The following DIAPH3 variants were observed in gnomAD, a reference collection of about 807,000 sequenced individuals.
The protein encoded by DIAPH3 is diaphanous related formin 3.
Under a neutral mutation model 144.3 loss-of-function variants are expected in DIAPH3, and 117 were observed. That is an observed-to-expected ratio of 0.81 (90% CI 0.70 to 0.95). DIAPH3 has a LOEUF of 0.95. DIAPH3 is among the 40% of genes least tolerant of loss of function. The pLI is 0.00. For synonymous variants in DIAPH3, 519 were observed against 488.9 expected (o/e 1.06, Z -0.81); for missense variants, 1,421 against 1,412.7 (o/e 1.01, Z -0.09).
At chr13:59,920,364 T>C (rs2047447878) in intron 18 of DIAPH3, among the ~76,000 whole-genome samples, 1 of 151,768 alleles carries the variant, frequency 6.6e-6, no homozygotes, top group Non-Finnish European at 1.5e-5. Context: ...AGATATGCCA[T>C]GCACATGAAA....
chr13:60,084,035 T>C (rs1212748875), intron 4 of DIAPH3, among the ~76,000 whole-genome samples: 1 of 151,664 alleles, frequency 6.6e-6, no homozygotes, highest in East Asian at 1.9e-4. Flanking sequence ...GATAGATAGA[T>C]AGATAGATAG....
intron 20 of DIAPH3, among the ~76,000 whole-genome samples, chr13:59,903,848 A>C (rs187176333): frequency 6.6e-6 from 1 of 152,310 alleles, no homozygotes; most frequent in Admixed American, 6.5e-5. Context: ...ACATACATGT[A>C]TATGTTATGT....
chr13:59,841,858 T>C (rs2042366863), intron 22 of DIAPH3, among the ~76,000 whole-genome samples: 1 of 152,180 alleles, frequency 6.6e-6, no homozygotes. Context: ...GTAGGCATTA[T>C]TATTATTCCT....
At chr13:59,847,504 G>C (rs937079226) in intron 22 of DIAPH3, among the ~76,000 whole-genome samples, 1 of 152,140 alleles carries the variant, frequency 6.6e-6, no homozygotes, top group African/African-American at 2.4e-5. Flanking sequence ...GTGTATTAGT[G>C]GGAGAAGCCC....
chr13:59,806,004 A>G (rs1358003858), intron 25 of DIAPH3, among the ~76,000 whole-genome samples: 1 of 151,998 alleles, frequency 6.6e-6, no homozygotes, highest in East Asian at 1.9e-4. Flanking sequence ...GTGATACAAG[A>G]ATTTCTACAC....
rs1336252799 is a variant in DIAPH3 at position 59,774,262 on chromosome 13, A to G, written c.3260-14T>C. ...TCTGCCGAACATCTGTTAAAAAAAAAAATAAAATAAACTTAATATAGAGGT... is the reference window on the plus strand; with the variant it reads ...TCTGCCGAACATCTGTTAAAAAAAAGAATAAAATAAACTTAATATAGAGGT... On this transcript the variant is annotated splice_polypyrimidine_tract_variant and intron_variant, in intron 26 of 27. Transcript: ENST00000400324. The G allele has an allele frequency of 6.2e-7, 1 of 1,605,762 alleles. No individual in the cohort carries two copies. Among genetic ancestry groups the G allele is most frequent in the African/African-American group, 1.3e-5 (1 of 74,558 alleles).
chr13:59,877,483 G>A (rs1283886911), intron 21 of DIAPH3, among the ~76,000 whole-genome samples: 2 of 152,090 alleles, frequency 1.3e-5, no homozygotes, highest in African/African-American at 4.8e-5. Flanking sequence ...CTGCCAACGG[G>A]TATGGACACT....
chr13:59,890,365 T>C (rs938421870), intron 20 of DIAPH3, among the ~76,000 whole-genome samples: 3 of 152,118 alleles, frequency 2.0e-5, no homozygotes, highest in African/African-American at 7.2e-5. Context: ...GGCTGAGTAT[T>C]CATGAAACTT....
intron 27 of DIAPH3, among the ~76,000 whole-genome samples, chr13:59,710,836 T>A (rs1282409183): frequency 6.6e-6 from 1 of 152,178 alleles, no homozygotes; most frequent in Non-Finnish European, 1.5e-5. Context: ...AATAAACAAG[T>A]TAAAAAAAAT....
chr13:59,983,471 T>C (rs2140722139), intron 13 of DIAPH3, among the ~76,000 whole-genome samples: 1 of 151,668 alleles, frequency 6.6e-6, no homozygotes, highest in Non-Finnish European at 1.5e-5. Flanking sequence ...AAGTAAAAAA[T>C]GGCAGTTTTT....
intron 4 of DIAPH3, among the ~76,000 whole-genome samples, chr13:60,075,511 G>T (rs2057350154): frequency 6.6e-6 from 1 of 151,944 alleles, no homozygotes; most frequent in Non-Finnish European, 1.5e-5. Flanking sequence ...GATTAATTTT[G>T]GTAATATCAT....
At chr13:59,910,767 A>G (rs1326716994) in intron 20 of DIAPH3, among the ~76,000 whole-genome samples, 2 of 151,354 alleles carry the variant, frequency 1.3e-5, no homozygotes, top group Non-Finnish European at 2.9e-5. Flanking sequence ...TTTTAGAATA[A>G]GAATTATAAG....
intron 27 of DIAPH3, among the ~76,000 whole-genome samples, chr13:59,676,373 G>T (rs1300787141): frequency 6.6e-6 from 1 of 152,154 alleles, no homozygotes; most frequent in Non-Finnish European, 1.5e-5. Context: ...CACTGGCTCT[G>T]TTGATTTTTT....
At chr13:60,119,791 A>G (rs1382884415) in intron 2 of DIAPH3, among the ~76,000 whole-genome samples, 2 of 148,776 alleles carry the variant, frequency 1.3e-5, no homozygotes, top group Non-Finnish European at 3.0e-5. Flanking sequence ...AATCTTTGCT[A>G]TTTTAAGTCA....
chr13:59,965,093 G>A (rs992140928), intron 17 of DIAPH3, among the ~76,000 whole-genome samples: 1 of 152,068 alleles, frequency 6.6e-6, no homozygotes. Context: ...CTTGAACACC[G>A]CCAAGTTGCT....
chr13:59,868,696 T>G (rs340218), intron 21 of DIAPH3, among the ~76,000 whole-genome samples: 91,821 of 151,898 alleles, frequency 0.6, 29,681 homozygotes, highest in East Asian at 0.75. Flanking sequence ...CCCTAAAAAA[T>G]TCTGTGTCTC....
intron 2 of DIAPH3, among the ~76,000 whole-genome samples, chr13:60,127,518 AC>A (rs956309992): frequency 7.9e-5 from 12 of 152,136 alleles, no homozygotes; most frequent in East Asian, 3.8e-4. Flanking sequence ...ACAAAAAAAA[AC>A]AATGCTGTAC....
At chr13:59,914,363 T>C (rs752293091) in intron 19 of DIAPH3, among the ~76,000 whole-genome samples, 1 of 152,200 alleles carries the variant, frequency 6.6e-6, no homozygotes, top group Non-Finnish European at 1.5e-5. Flanking sequence ...AAACCTTATA[T>C]ATGTTCAAAA....
intron 4 of DIAPH3, among the ~76,000 whole-genome samples, chr13:60,085,944 T>C (rs1465034811): frequency 2.6e-5 from 4 of 152,008 alleles, no homozygotes; most frequent in African/African-American, 9.7e-5. Flanking sequence ...AGTGACAGGG[T>C]GAAAATGACC....
Sources: gnomAD v4.1 joint callset for allele counts (sites outside exome capture counted in the v4.1 genomes callset) on GRCh38, gnomAD v4.1.1 for gene constraint, MANE v1.5 for transcripts, NCBI Gene and HGNC (gene_info 2026-07-23, HGNC 2026-07-21) for gene names.